Variants in SGK1 observed in about 807,000 individuals in gnomAD.
SGK1 encodes serum/glucocorticoid regulated kinase 1.
In SGK1, 26 loss-of-function variants were observed where a neutral mutation model predicts 64.2. That is an observed-to-expected ratio of 0.40 (90% CI 0.30 to 0.56). The LOEUF is 0.56. Ranked by LOEUF, SGK1 falls within the 20% of genes least tolerant of loss-of-function variation. SGK1 has a pLI of 0.38. For synonymous variants in SGK1, 265 were observed against 239.7 expected (o/e 1.11, Z -0.98); for missense variants, 519 against 645.6 (o/e 0.80, Z 2.12).
chr6:134,300,919 C>A (rs10155679), intron 1 of SGK1, among the ~76,000 whole-genome samples: 18,325 of 151,990 alleles, frequency 0.12, 1,295 homozygotes, highest in African/African-American at 0.19. Context: ...CAGGCGTGAG[C>A]CACCGCGCCT....
intron 1 of SGK1, among the ~76,000 whole-genome samples, chr6:134,307,343 T>G (rs1465013951): frequency 2.0e-5 from 3 of 152,254 alleles, no homozygotes; most frequent in Non-Finnish European, 4.4e-5. Context: ...CCTGGTTGTT[T>G]CTACGTAACA....
chr6:134,267,818 G>T (rs1474444359), intron 1 of SGK1, among the ~76,000 whole-genome samples: 2 of 152,118 alleles, frequency 1.3e-5, no homozygotes, highest in Non-Finnish European at 2.9e-5. Context: ...GAGAAAAAGT[G>T]TTACTTACAA....
chr6:134,316,716 A>G (rs1233550695), intron 1 of SGK1, among the ~76,000 whole-genome samples: 1 of 141,598 alleles, frequency 7.1e-6, no homozygotes, highest in East Asian at 2.1e-4. Flanking sequence ...ATTATCACTC[A>G]AATACAGACC....
intron 1 of SGK1, among the ~76,000 whole-genome samples, chr6:134,278,928 A>G (rs576866386): frequency 5.3e-5 from 8 of 152,216 alleles, no homozygotes; most frequent in Non-Finnish European, 8.8e-5. Context: ...GACAGAGGAA[A>G]ATGACTGTTA....
intron 2 of SGK1, among the ~76,000 whole-genome samples, chr6:134,258,660 G>A (rs1003368295): frequency 1.3e-5 from 2 of 152,252 alleles, no homozygotes; most frequent in African/African-American, 2.4e-5. Flanking sequence ...AGCCGAGATC[G>A]CGCCACTGCG....
At chr6:134,227,841 A>C (rs1776208883) in intron 2 of SGK1, among the ~76,000 whole-genome samples, 1 of 152,124 alleles carries the variant, frequency 6.6e-6, no homozygotes, top group South Asian at 2.1e-4. Flanking sequence ...ATGAGTAATA[A>C]ATCTTATTTG....
chr6:134,210,223 G>T (rs1219553932), intron 2 of SGK1, among the ~76,000 whole-genome samples: 2 of 152,130 alleles, frequency 1.3e-5, no homozygotes. Flanking sequence ...ATATTATTTG[G>T]CCTCAGAAAG....
At chr6:134,206,870 A>G (rs1775795713) in intron 3 of SGK1, among the ~76,000 whole-genome samples, 1 of 102,386 alleles carries the variant, frequency 9.8e-6, no homozygotes, top group Non-Finnish European at 1.9e-5. Context: ...CCGTCTCCAG[A>G]AAAAAAAAAA....
intron 1 of SGK1, among the ~76,000 whole-genome samples, chr6:134,300,034 C>T (rs1163488414): frequency 1.3e-5 from 2 of 152,124 alleles, no homozygotes; most frequent in Non-Finnish European, 2.9e-5. Flanking sequence ...AGGAACCTGG[C>T]TTCTAACATC....
At chr6:134,286,305 A>G (rs1297696712) in intron 1 of SGK1, among the ~76,000 whole-genome samples, 1 of 152,132 alleles carries the variant, frequency 6.6e-6, no homozygotes, top group African/African-American at 2.4e-5. Context: ...AAAAAATAAA[A>G]TAATTAGCTG....
chr6:134,271,905 G>T (rs1241946624), intron 1 of SGK1, among the ~76,000 whole-genome samples: 1 of 146,776 alleles, frequency 6.8e-6, no homozygotes, highest in Non-Finnish European at 1.5e-5. Flanking sequence ...GCAGTGATGC[G>T]ATCTTGGCTC....
At chr6:134,316,594 T>C (rs1202806440) in intron 1 of SGK1, among the ~76,000 whole-genome samples, 2 of 151,782 alleles carry the variant, frequency 1.3e-5, no homozygotes, top group South Asian at 2.1e-4. Flanking sequence ...TTGTGAAATA[T>C]ACATGCAAAA....
At chr6:134,177,338 G>A (rs1454435974) in intron 3 of SGK1, among the ~76,000 whole-genome samples, 1 of 152,212 alleles carries the variant, frequency 6.6e-6, no homozygotes, top group Non-Finnish European at 1.5e-5. Flanking sequence ...GCCCATGTCT[G>A]CTTCCTCTTG....
At chr6:134,275,410 T>C (rs1380101389) in intron 1 of SGK1, among the ~76,000 whole-genome samples, 4 of 152,244 alleles carry the variant, frequency 2.6e-5, no homozygotes, top group Non-Finnish European at 5.9e-5. Context: ...GCTGTCTTGT[T>C]GCTACCTAGC....
intron 1 of SGK1, among the ~76,000 whole-genome samples, chr6:134,271,177 G>A (rs1176104711): frequency 7.5e-6 from 1 of 133,624 alleles, no homozygotes; most frequent in Non-Finnish European, 1.7e-5. Context: ...AAATTAGTCG[G>A]GCGCGGGGGC....
intron 1 of SGK1, among the ~76,000 whole-genome samples, chr6:134,314,192 C>T (rs975670903): frequency 6.7e-6 from 1 of 148,590 alleles, no homozygotes; most frequent in African/African-American, 2.4e-5. Flanking sequence ...GTAGAACTAG[C>T]ATCCGGACTG....
chr6:134,199,215 T>TATCC (rs1178177483), intron 3 of SGK1, among the ~76,000 whole-genome samples: 33 of 152,178 alleles, frequency 2.2e-4, no homozygotes, highest in African/African-American at 7.9e-4. Context: ...ATAATGGACT[T>TATCC]AATACCTGGG....
chr6:134,171,231 A>G, intron 11 of SGK1, 53 bp from the exon 12 acceptor site: 1 of 1,513,132 alleles, frequency 6.6e-7, no homozygotes, highest in East Asian at 2.3e-5. Flanking sequence ...CATATGGCAC[A>G]CATTACCAGT....
intron 2 of SGK1, among the ~76,000 whole-genome samples, chr6:134,228,945 G>A (rs1319008912): frequency 1.3e-5 from 2 of 149,278 alleles, no homozygotes; most frequent in Admixed American, 1.4e-4. Context: ...CCGGGTTCAC[G>A]CCATTCTCCT....
Sources: allele counts gnomAD v4.1 joint callset (sites outside exome capture counted in the v4.1 genomes callset), GRCh38; gene constraint gnomAD v4.1.1; transcripts MANE v1.5; gene names NCBI Gene and HGNC (gene_info 2026-07-23, HGNC 2026-07-21).